The following DCDC2C variants were observed in gnomAD, a reference collection of about 807,000 sequenced individuals.
The protein encoded by DCDC2C is doublecortin domain containing 2C.
Under a neutral mutation model 45.0 loss-of-function variants are expected in DCDC2C, and 44 were observed. The ratio of observed to expected loss-of-function variants is 0.98; its 90% CI spans 0.77 to 1.26. The LOEUF (loss-of-function observed/expected upper bound fraction) is 1.26, where lower values mean the gene tolerates loss of function less well. DCDC2C is among the 50% of genes most tolerant of loss of function. The pLI is 0.00. For synonymous variants in DCDC2C, 187 were observed against 178.8 expected, an observed-to-expected ratio of 1.05 and a Z score of -0.37; for missense variants, 447 against 468.9, an observed-to-expected ratio of 0.95 and a Z score of 0.43.
chr2:3,776,787 A>C lies in DCDC2C; in HGVS notation c.955-2029A>C, dbSNP rs143053814. 3.1e-4 allele frequency among the ~76,000 whole-genome samples: 47 copies of C among 152,342 alleles called. 1 individual carries two copies. In the East Asian group the frequency reaches 7.9e-3, roughly 26 times the overall value. The stretch of plus-strand genomic sequence containing the variant: ...TAACACCTCCTGTAGATGTCCTAAG[A>C]CACTGAAGCTCAGCAGAGTGAGAAT... On this transcript the variant is annotated intron_variant, in intron 8 of 10. Transcript: ENST00000399143.
chr2:3,725,475 C>CCTGGAGGGAGACCG (rs1668626236), intron 2 of DCDC2C, among the ~76,000 whole-genome samples: 40 of 100,120 alleles, frequency 4.0e-4, no homozygotes, highest in East Asian at 9.0e-4. Context: ...CCCGGTGGAT[C>CCTGGAGGGAGACCG]CCAGAGGAAG....
chr2:3,845,103 A>T (rs1220161584), intron 10 of DCDC2C, among the ~76,000 whole-genome samples: 2 of 152,160 alleles, frequency 1.3e-5, no homozygotes, highest in Admixed American at 1.3e-4. Context: ...ATGGACTCTC[A>T]ACTCAATATA....
At position 3,837,614 on chromosome 2, in the gene DCDC2C, A is replaced by G. The variant is rs1672112756; in HGVS notation, c.1066-9540A>G. Reference sequence around the variant, plus strand: ...GTCTGTTCTCATCTAAAGGGGAAGAAACTGAGGAAGAAATCAGCCTTTGGC... The same window carrying G: ...GTCTGTTCTCATCTAAAGGGGAAGAGACTGAGGAAGAAATCAGCCTTTGGC... On this transcript the variant is annotated intron_variant, in intron 10 of 10. Coordinates refer to ENST00000399143, the MANE Select transcript of DCDC2C (RefSeq NM_001287444.2). Among the ~76,000 whole-genome samples, 6 of 101,926 alleles carry G rather than the reference A, an allele frequency of 5.9e-5. 1 individual carries two copies. The highest frequency in any genetic ancestry group is 1.2e-4 in the Non-Finnish European group (5 of 42,768). 66.9% of individuals were successfully genotyped at this position (101,926 alleles called of 152,430 possible).
At chr2:3,834,096 C>G (rs1672015639) in intron 10 of DCDC2C, among the ~76,000 whole-genome samples, 1 of 151,310 alleles carries the variant, frequency 6.6e-6, no homozygotes, top group African/African-American at 2.4e-5. Flanking sequence ...CCTCCTGCCC[C>G]CCCTACCTCC....
intron 3 of DCDC2C, among the ~76,000 whole-genome samples, chr2:3,741,267 C>T (rs751980320): frequency 1.3e-5 from 2 of 152,162 alleles, no homozygotes; most frequent in Admixed American, 6.5e-5. Context: ...GAGATGATCT[C>T]GGCTCCAGAG....
At chr2:3,823,632 G>A (rs61372957) in intron 10 of DCDC2C, among the ~76,000 whole-genome samples, 15,304 of 152,074 alleles carry the variant, frequency 0.1, 1,045 homozygotes, top group East Asian at 0.29. Flanking sequence ...CTCATGTTAG[G>A]CTTCTTCATT....
intron 8 of DCDC2C, among the ~76,000 whole-genome samples, chr2:3,770,063 G>C (rs1015120964): frequency 7.2e-5 from 11 of 152,200 alleles, no homozygotes; most frequent in Non-Finnish European, 1.6e-4. Context: ...ACCTGAGTGA[G>C]TCTCCAGCAC....
intron 6 of DCDC2C, among the ~76,000 whole-genome samples, chr2:3,755,960 G>A (rs1189826133): frequency 6.6e-6 from 1 of 152,060 alleles, no homozygotes; most frequent in Non-Finnish European, 1.5e-5. Context: ...AGAGGCATAT[G>A]TTTTTGTGGA....
chr2:3,706,504 C>T (rs1668068289), intron 1 of DCDC2C, among the ~76,000 whole-genome samples: 1 of 152,102 alleles, frequency 6.6e-6, no homozygotes, highest in South Asian at 2.1e-4. Context: ...GCCACATTTA[C>T]AACAAAATCT....
At chr2:3,772,257 G>A (rs1670193527) in intron 8 of DCDC2C, among the ~76,000 whole-genome samples, 1 of 152,196 alleles carries the variant, frequency 6.6e-6, no homozygotes, top group Non-Finnish European at 1.5e-5. Context: ...CATGGAGGAT[G>A]TCCAATGTGG....
At chr2:3,766,049 T>A (rs1456050060) in intron 6 of DCDC2C, among the ~76,000 whole-genome samples, 1 of 152,172 alleles carries the variant, frequency 6.6e-6, no homozygotes, top group Non-Finnish European at 1.5e-5. Context: ...GCCATCCTGC[T>A]GCATCCAAAG....
At chr2:3,767,938 T>C in intron 7 of DCDC2C, 58 bp downstream of exon 7, 4 of 1,337,568 alleles carry the variant, frequency 3.0e-6, no homozygotes, top group Non-Finnish European at 3.8e-6. Flanking sequence ...GCTGAGAACA[T>C]GGGATTTTTT....
intron 5 of DCDC2C, among the ~76,000 whole-genome samples, chr2:3,754,387 G>T (rs1395769171): frequency 2.0e-5 from 3 of 152,234 alleles, no homozygotes; most frequent in Non-Finnish European, 4.4e-5. Flanking sequence ...TATCTGATCT[G>T]CAGGAAGGAA....
At chr2:3,768,168 A>G (rs1670065709) in intron 7 of DCDC2C, among the ~76,000 whole-genome samples, 1 of 152,154 alleles carries the variant, frequency 6.6e-6, no homozygotes. Flanking sequence ...TTTTCTAAAG[A>G]CTGATGACGT....
At chr2:3,723,958 T>C (rs888718989) in intron 2 of DCDC2C, among the ~76,000 whole-genome samples, 14 of 151,768 alleles carry the variant, frequency 9.2e-5, no homozygotes, top group African/African-American at 3.2e-4. Flanking sequence ...CTTCTCTGTC[T>C]CTCTGTGTGT....
intron 6 of DCDC2C, among the ~76,000 whole-genome samples, chr2:3,766,685 T>A (rs991036232): frequency 6.6e-6 from 1 of 152,192 alleles, no homozygotes; most frequent in Non-Finnish European, 1.5e-5. Context: ...TGTTTTTAGT[T>A]TGACATTTCT....
At chr2:3,786,232 G>A (rs1670647968) in intron 10 of DCDC2C, among the ~76,000 whole-genome samples, 1 of 151,874 alleles carries the variant, frequency 6.6e-6, no homozygotes, top group Admixed American at 6.6e-5. Context: ...CTCTCGTGTG[G>A]GTGTGTCCCG....
At chr2:3,840,291 G>GA (rs1404064294) in intron 10 of DCDC2C, among the ~76,000 whole-genome samples, 3 of 152,188 alleles carry the variant, frequency 2.0e-5, no homozygotes, top group African/African-American at 7.2e-5. Flanking sequence ...TGGTCACCTG[G>GA]AAAGACCCTG....
At chr2:3,717,399 C>T (rs930425691) in intron 2 of DCDC2C, among the ~76,000 whole-genome samples, 18 of 152,252 alleles carry the variant, frequency 1.2e-4, no homozygotes, top group Non-Finnish European at 2.4e-4. Context: ...AGCTCCTAAA[C>T]CCAGAAACGT....
Sources: allele counts gnomAD v4.1 joint callset (sites outside exome capture counted in the v4.1 genomes callset), GRCh38; gene constraint gnomAD v4.1.1; transcripts MANE v1.5; gene names NCBI Gene and HGNC (gene_info 2026-07-23, HGNC 2026-07-21).